ZNF385B: variants seen among roughly 807,000 people sequenced by gnomAD.
The protein encoded by ZNF385B is zinc finger protein 533.
Under a neutral mutation model 39.2 loss-of-function variants are expected in ZNF385B, and 23 were observed. The ratio of observed to expected loss-of-function variants is 0.59; its 90% CI spans 0.42 to 0.83. The LOEUF is 0.83. ZNF385B is among the 40% of genes least tolerant of loss of function. ZNF385B has a pLI of 0.00. For synonymous variants in ZNF385B, 205 were observed against 222.6 expected, an observed-to-expected ratio of 0.92 and a Z score of 0.70; for missense variants, 552 against 598.9, an observed-to-expected ratio of 0.92 and a Z score of 0.82.
chr2:179,745,730 C>T lies in ZNF385B; in HGVS notation c.298+23773G>A, dbSNP rs762218672. ...ACGCTCACCTCTGCTAGGAAGTCCA[C>T]TCCACATCCTGGCAGGGCTCTCACC... On this transcript the variant is annotated intron_variant, in intron 3 of 9. Coordinates refer to ENST00000410066, the MANE Select transcript of ZNF385B (RefSeq NM_152520.6). 2.6e-6 allele frequency: 4 copies of T among 1,544,166 alleles called. No homozygotes were observed. In the African/African-American group the frequency reaches 5.5e-5, roughly 21 times the overall value.
At chr2:179,690,448 G>T (rs1698273227) in intron 3 of ZNF385B, among the ~76,000 whole-genome samples, 2 of 152,250 alleles carry the variant, frequency 1.3e-5, no homozygotes, top group Middle Eastern at 6.8e-3. Flanking sequence ...CTCATATGCA[G>T]GTTTTATATC....
intron 3 of ZNF385B, among the ~76,000 whole-genome samples, chr2:179,713,137 C>T (rs1700111618): frequency 6.6e-6 from 1 of 152,172 alleles, no homozygotes; most frequent in South Asian, 2.1e-4. Flanking sequence ...ATATGATGTT[C>T]AGTAAGTTAG....
At chr2:179,815,067 A>C (rs1268309693) in intron 1 of ZNF385B, among the ~76,000 whole-genome samples, 2 of 152,220 alleles carry the variant, frequency 1.3e-5, no homozygotes, top group Non-Finnish European at 2.9e-5. Context: ...TTAGACGGGA[A>C]TACAAATTGG....
chr2:179,644,972 A>G (rs567614065), intron 3 of ZNF385B, among the ~76,000 whole-genome samples: 14 of 152,326 alleles, frequency 9.2e-5, no homozygotes, highest in Non-Finnish European at 2.1e-4. Flanking sequence ...AATGTAACAT[A>G]TATACATACT....
chr2:179,784,108 G>T (rs1052106699), intron 1 of ZNF385B, among the ~76,000 whole-genome samples: 6 of 152,146 alleles, frequency 3.9e-5, no homozygotes, highest in Non-Finnish European at 5.9e-5. Context: ...TAAAGAAAAC[G>T]TGGTAAATGT....
intron 1 of ZNF385B, among the ~76,000 whole-genome samples, chr2:179,819,865 T>G (rs1376742318): frequency 6.6e-6 from 1 of 152,220 alleles, no homozygotes. Context: ...TAGTATACGA[T>G]TGTATTATAC....
At chr2:179,510,946 T>C (rs1361148841) in intron 5 of ZNF385B, among the ~76,000 whole-genome samples, 1 of 152,208 alleles carries the variant, frequency 6.6e-6, no homozygotes, top group Non-Finnish European at 1.5e-5. Flanking sequence ...AGGAGAATGT[T>C]ACATAATGAC....
At position 179,727,767 on chromosome 2, in the gene ZNF385B, A is replaced by C. The variant is rs116303430; in HGVS notation, c.298+41736T>G. 7.2e-3 allele frequency among the ~76,000 whole-genome samples: 1,095 copies of C among 152,230 alleles called. 11 individuals are homozygous for C. The highest frequency in any genetic ancestry group is 0.024 in the African/African-American group (992 of 41,578). ...CCTAAATCCTATGTATTTAAGACATATGGAGTGCATCAAAAGATACCATAA... is the reference window on the plus strand; with the variant it reads ...CCTAAATCCTATGTATTTAAGACATCTGGAGTGCATCAAAAGATACCATAA... On this transcript the variant is annotated intron_variant, in intron 3 of 9. Transcript: ENST00000410066.
chr2:179,533,470 A>G (rs1361414532), intron 4 of ZNF385B, among the ~76,000 whole-genome samples: 1 of 152,182 alleles, frequency 6.6e-6, no homozygotes, highest in African/African-American at 2.4e-5. Context: ...AGGTCTATAT[A>G]ATACTTTGGG....
intron 3 of ZNF385B, among the ~76,000 whole-genome samples, chr2:179,642,807 T>C (rs562339099): frequency 4.6e-5 from 7 of 152,282 alleles, no homozygotes; most frequent in Admixed American, 3.3e-4. Context: ...AGAATGTCCT[T>C]GGATAAAGTA....
At chr2:179,576,235 T>A in intron 3 of ZNF385B, 3 of 955,974 alleles carry the variant, frequency 3.1e-6, no homozygotes, top group Non-Finnish European at 3.7e-6. Flanking sequence ...TCTCTTTGGA[T>A]CCATCTCCCA....
chr2:179,678,847 G>A (rs60421961), intron 3 of ZNF385B, among the ~76,000 whole-genome samples: 2,158 of 152,120 alleles, frequency 0.014, 51 homozygotes, highest in African/African-American at 0.049. Context: ...CTATCCCCAC[G>A]GAAATTTCCC....
intron 3 of ZNF385B, among the ~76,000 whole-genome samples, chr2:179,611,107 T>G (rs1295608881): frequency 6.6e-6 from 1 of 152,228 alleles, no homozygotes; most frequent in Admixed American, 6.5e-5. Context: ...GTAAGCATCC[T>G]TTTCATGTTC....
chr2:179,684,121 C>A (rs997508597), intron 3 of ZNF385B, among the ~76,000 whole-genome samples: 1 of 152,034 alleles, frequency 6.6e-6, no homozygotes, highest in African/African-American at 2.4e-5. Flanking sequence ...ATTTTAGAAA[C>A]CTCCCATTTA....
At chr2:179,670,279 G>A (rs1296202988) in intron 3 of ZNF385B, among the ~76,000 whole-genome samples, 3 of 128,594 alleles carry the variant, frequency 2.3e-5, no homozygotes, top group African/African-American at 9.3e-5. Flanking sequence ...GCCACAGAGC[G>A]AGACTCCGTC....
intron 3 of ZNF385B, among the ~76,000 whole-genome samples, chr2:179,696,740 G>T (rs930940029): frequency 8.6e-5 from 13 of 151,868 alleles, no homozygotes; most frequent in African/African-American, 3.1e-4. Flanking sequence ...ATAGAAGGAA[G>T]CTATTTTCAT....
At chr2:179,496,555 C>A (rs927158048) in intron 5 of ZNF385B, among the ~76,000 whole-genome samples, 1 of 152,046 alleles carries the variant, frequency 6.6e-6, no homozygotes, top group African/African-American at 2.4e-5. Context: ...TAATCAAAGT[C>A]CCAAAGGTTA....
intron 4 of ZNF385B, among the ~76,000 whole-genome samples, chr2:179,528,715 T>TA (rs1384993771): frequency 2.0e-5 from 3 of 152,222 alleles, no homozygotes; most frequent in African/African-American, 7.2e-5. Flanking sequence ...AGACAATAGT[T>TA]ACTTTGTTAA....
chr2:179,522,288 C>A (rs1202536602), intron 4 of ZNF385B, among the ~76,000 whole-genome samples: 1 of 152,102 alleles, frequency 6.6e-6, no homozygotes, highest in African/African-American at 2.4e-5. Context: ...TAGTACAATG[C>A]TCTAAAAGCT....
Sources: allele counts gnomAD v4.1 joint callset (sites outside exome capture counted in the v4.1 genomes callset), GRCh38; gene constraint gnomAD v4.1.1; transcripts MANE v1.5; gene names NCBI Gene and HGNC (gene_info 2026-07-23, HGNC 2026-07-21).